LHFPL3: variants seen among roughly 807,000 people sequenced by gnomAD.
The protein encoded by LHFPL3 is LHFPL tetraspan subfamily member 3, also known as LHFPL tetraspan subfamily member 3 protein.
A neutral mutation model predicts 19.3 loss-of-function variants in LHFPL3; 5 were observed. The ratio of observed to expected loss-of-function variants is 0.26; its 90% CI spans 0.14 to 0.54. The LOEUF is 0.54. Ranked by LOEUF, LHFPL3 falls within the 20% of genes least tolerant of loss-of-function variation. LHFPL3 has a pLI of 0.94. For synonymous variants in LHFPL3, 133 were observed against 126.2 expected, an observed-to-expected ratio of 1.05 and a Z score of -0.36; for missense variants, 249 against 307.4, an observed-to-expected ratio of 0.81 and a Z score of 1.42.
intron 1 of LHFPL3, among the ~76,000 whole-genome samples, chr7:104,620,890 G>A (rs1393899268): frequency 3.9e-5 from 6 of 152,216 alleles, no homozygotes; most frequent in East Asian, 1.9e-4. Context: ...CTTCAAGGCC[G>A]TAAGGCTGGA....
At chr7:104,904,659 A>G (rs568080461) in intron 2 of LHFPL3, among the ~76,000 whole-genome samples, 1 of 152,316 alleles carries the variant, frequency 6.6e-6, no homozygotes, top group Admixed American at 6.5e-5. Flanking sequence ...TCAAAAGTAA[A>G]TAAAAATAAA....
intron 1 of LHFPL3, among the ~76,000 whole-genome samples, chr7:104,526,461 A>G (rs567261339): frequency 6.6e-6 from 1 of 152,330 alleles, no homozygotes; most frequent in South Asian, 2.1e-4. Flanking sequence ...GTAGTTACAA[A>G]TGGCAAATTC....
intron 1 of LHFPL3, among the ~76,000 whole-genome samples, chr7:104,695,957 T>C (rs1206552494): frequency 1.3e-5 from 2 of 152,198 alleles, no homozygotes; most frequent in Non-Finnish European, 1.5e-5. Context: ...TGTTTTTTGT[T>C]GTTGTTTTTT....
intron 2 of LHFPL3, among the ~76,000 whole-genome samples, chr7:104,852,321 T>A (rs1183789322): frequency 2.6e-5 from 4 of 152,244 alleles, no homozygotes; most frequent in Non-Finnish European, 5.9e-5. Flanking sequence ...ATTTTAAACT[T>A]ACTCAGTGTC....
At chr7:104,539,880 A>G (rs1041495624) in intron 1 of LHFPL3, among the ~76,000 whole-genome samples, 3 of 152,146 alleles carry the variant, frequency 2.0e-5, no homozygotes, top group Non-Finnish European at 4.4e-5. Context: ...TTCTTATCTC[A>G]CAAAATAAAA....
chr7:104,495,971 GA>G (rs1422688493), intron 1 of LHFPL3, among the ~76,000 whole-genome samples: 2 of 152,042 alleles, frequency 1.3e-5, no homozygotes, highest in African/African-American at 4.8e-5. Flanking sequence ...GAGGAACCAA[GA>G]TTTTTTTTTT....
intron 1 of LHFPL3, among the ~76,000 whole-genome samples, chr7:104,377,896 GCTT>G (rs1427558527): frequency 6.6e-6 from 1 of 152,114 alleles, no homozygotes; most frequent in African/African-American, 2.4e-5. Flanking sequence ...CTTGCCTGTG[GCTT>G]CTTCAATTAT....
intron 1 of LHFPL3, among the ~76,000 whole-genome samples, chr7:104,509,774 A>G (rs1376668512): frequency 1.3e-5 from 2 of 152,092 alleles, no homozygotes; most frequent in African/African-American, 4.8e-5. Context: ...AATAAAAGAC[A>G]TACAGATACA....
At chr7:104,340,203 A>C (rs1239850952) in intron 1 of LHFPL3, among the ~76,000 whole-genome samples, 1 of 152,140 alleles carries the variant, frequency 6.6e-6, no homozygotes, top group East Asian at 1.9e-4. Context: ...ATTTTTTTTA[A>C]AAAGAGATTG....
intron 1 of LHFPL3, among the ~76,000 whole-genome samples, chr7:104,548,661 G>T (rs375488727): frequency 2.0e-5 from 3 of 152,270 alleles, no homozygotes; most frequent in African/African-American, 7.2e-5. Flanking sequence ...TGTCAAGGAG[G>T]GCTATAGCTT....
intron 1 of LHFPL3, among the ~76,000 whole-genome samples, chr7:104,385,387 TTCTG>T (rs1790917963): frequency 8.1e-6 from 1 of 123,856 alleles, no homozygotes; most frequent in Non-Finnish European, 1.8e-5. Context: ...ATATATGGCA[TTCTG>T]ATTGATATCT....
At chr7:104,403,057 G>A (rs1791346448) in intron 1 of LHFPL3, among the ~76,000 whole-genome samples, 1 of 140,612 alleles carries the variant, frequency 7.1e-6, no homozygotes, top group South Asian at 2.1e-4. Context: ...GGCCTGTCAG[G>A]GGGTGATATA....
chr7:104,339,879 A>G (rs989651799), intron 1 of LHFPL3, among the ~76,000 whole-genome samples: 1 of 152,176 alleles, frequency 6.6e-6, no homozygotes, highest in African/African-American at 2.4e-5. Flanking sequence ...AGCAACATCC[A>G]CATTACTGGC....
chr7:104,353,906 C>T (rs1584609067), intron 1 of LHFPL3, among the ~76,000 whole-genome samples: 1 of 152,172 alleles, frequency 6.6e-6, no homozygotes, highest in Non-Finnish European at 1.5e-5. Context: ...AAGCAAGGTT[C>T]AATTCCATGT....
intron 1 of LHFPL3, among the ~76,000 whole-genome samples, chr7:104,388,396 T>TATA (rs1338259144): frequency 1.1e-3 from 173 of 152,254 alleles, no homozygotes; most frequent in African/African-American, 4.0e-3. Context: ...AAAGGGATCC[T>TATA]CAATAAGACA....
chr7:104,775,852 CT>C (rs11454604), intron 2 of LHFPL3, among the ~76,000 whole-genome samples: 13 of 146,672 alleles, frequency 8.9e-5, no homozygotes, highest in East Asian at 3.9e-4. Flanking sequence ...TCTTTTCTGT[CT>C]TTTTTTTTTT....
chr7:104,611,574 G>A (rs1791214617), intron 1 of LHFPL3, among the ~76,000 whole-genome samples: 1 of 152,192 alleles, frequency 6.6e-6, no homozygotes, highest in African/African-American at 2.4e-5. Flanking sequence ...AAAGTTGGCA[G>A]TAAGGATAGT....
intron 1 of LHFPL3, among the ~76,000 whole-genome samples, chr7:104,444,207 T>C (rs903963944): frequency 1.3e-5 from 2 of 152,204 alleles, no homozygotes; most frequent in African/African-American, 4.8e-5. Flanking sequence ...GTAACATGCC[T>C]ACAGAGTGAC....
At chr7:104,495,717 C>T (rs1216845436) in intron 1 of LHFPL3, among the ~76,000 whole-genome samples, 2 of 152,068 alleles carry the variant, frequency 1.3e-5, no homozygotes, top group Non-Finnish European at 2.9e-5. Context: ...TGGCGGGGGT[C>T]TCATTATGTT....
Sources: gnomAD v4.1 joint callset for allele counts (sites outside exome capture counted in the v4.1 genomes callset) on GRCh38, gnomAD v4.1.1 for gene constraint, MANE v1.5 for transcripts, NCBI Gene and HGNC (gene_info 2026-07-23, HGNC 2026-07-21) for gene names.